The following SLC27A1 variants were observed in gnomAD, a reference collection of about 807,000 sequenced individuals.
The protein encoded by SLC27A1 is solute carrier family 27 member 1.
SLC27A1 carries 61 observed loss-of-function variants against 62.2 expected under a neutral mutation model. The ratio of observed to expected loss-of-function variants is 0.98; its 90% CI spans 0.80 to 1.21. SLC27A1 has a LOEUF of 1.21. SLC27A1 is among the 50% of genes most tolerant of loss of function. SLC27A1 has a pLI of 0.00. For synonymous variants in SLC27A1, 435 were observed against 408.6 expected, an observed-to-expected ratio of 1.06 and a Z score of -0.78; for missense variants, 903 against 932.1, an observed-to-expected ratio of 0.97 and a Z score of 0.41.
rs8109369 is a variant in SLC27A1, at chr19:17,498,533, C to T, written c.1206+1069C>T. The T allele has an allele frequency of 3.1e-5, 5 of 160,192 alleles. No homozygotes were observed. The East Asian group carries it at 8.6e-4, about 27-fold the overall frequency. 9.9% of individuals were successfully genotyped at this position (160,192 alleles called of 1,614,324 possible). The stretch of plus-strand genomic sequence containing the variant: ...CATAGGAAACACACCAGGCCAGGCA[C>T]GGTGGCTCACGCCTGTAGGGTCCAG... On this transcript the variant is annotated intron_variant, in intron 7 of 11. Coordinates refer to ENST00000252595, the MANE Select transcript of SLC27A1 (RefSeq NM_198580.3).
At position 17,489,120 on chromosome 19, in the gene SLC27A1, C is replaced by T. The variant is rs2075268850; in HGVS notation, c.996+3C>T. The T allele has an allele frequency of 8.7e-6, 14 of 1,613,522 alleles. No individual in the cohort carries two copies. The highest frequency in any genetic ancestry group is 1.1e-5 in the Non-Finnish European group (13 of 1,179,642). ...ACTGCATCAAGTACAACTGCACGGT[C>T]AGGCCCTGCCCTGTTCTGTCTAGAC... is the stretch of plus-strand genomic sequence containing the variant. On this transcript the variant is annotated splice_donor_region_variant and intron_variant, in intron 6 of 11. Transcript: ENST00000252595.
chr19:17,497,623 C>T (rs779278027), intron 7 of SLC27A1, 159 bp downstream of exon 7: 12 of 681,654 alleles, frequency 1.8e-5, no homozygotes, highest in Middle Eastern at 2.4e-4. Context: ...TCCTGGGACT[C>T]CCGGTGCACC....
In SLC27A1 at chr19:17,477,865, T is replaced by C. The variant is rs918252246; in HGVS notation, c.167+7158T>C. Among the ~76,000 whole-genome samples the C allele has an allele frequency of 3.3e-4, 50 of 151,988 alleles. 1 individual carries two copies. Among genetic ancestry groups the C allele is most frequent in the African/African-American group, 1.2e-3 (49 of 41,498 alleles). Reference sequence around the variant, plus strand: ...CCACCGCACCTGCCGCCCACCTTTTTCTAAAATAAATTTAAAAAATTATTT... The same window carrying C: ...CCACCGCACCTGCCGCCCACCTTTTCCTAAAATAAATTTAAAAAATTATTT... On this transcript the variant is annotated intron_variant, in intron 1 of 11. Coordinates refer to ENST00000252595, the MANE Select transcript of SLC27A1 (RefSeq NM_198580.3).
chr19:17,496,540 GC>G, intron 6 of SLC27A1: 1 of 153,282 alleles, frequency 6.5e-6, no homozygotes, highest in South Asian at 2.0e-4. Context: ...TGACGCTCCG[GC>G]CAGCCCAGGC....
chr19:17,502,598 C>T (rs111700109), intron 11 of SLC27A1, among the ~76,000 whole-genome samples: 55,375 of 151,662 alleles, frequency 0.37, 10,752 homozygotes, highest in African/African-American at 0.48. Context: ...AAGTGATCCA[C>T]CTGCCTTGGC....
At position 17,486,612 on chromosome 19, in the gene SLC27A1, C is replaced by T. The variant is rs1052623467; in HGVS notation, c.217C>T (p.Arg73Cys). The T allele has an allele frequency of 2.0e-5, 32 of 1,595,374 alleles. No individual in the cohort carries two copies. The highest frequency in any genetic ancestry group is 2.5e-5 in the Non-Finnish European group (30 of 1,177,120). ...RVRLELRRHQ[R>C]AGHTIPRIFQ... Reference sequence around the variant, plus strand: ...GCGCCTGGAGCTGCGGCGGCACCAGCGTGCCGGCCACACCATCCCGCGCAT... The same window carrying T: ...GCGCCTGGAGCTGCGGCGGCACCAGTGTGCCGGCCACACCATCCCGCGCAT... Residue 73 changes from arginine (R) to cysteine (C), a missense_variant, in exon 2 of 12, where the codon CGT becomes TGT. By Grantham distance (180) the Arg-to-Cys change is radical. Transcript: ENST00000252595. This position sits in a 1 kb window ranked among gnomAD's most constrained non-coding sequence, Gnocchi z 6.6.
chr19:17,482,234 G>C (rs937733354), intron 1 of SLC27A1, among the ~76,000 whole-genome samples: 1 of 152,154 alleles, frequency 6.6e-6, no homozygotes, highest in African/African-American at 2.4e-5. Flanking sequence ...GACTAGAAGT[G>C]CCCGCCGGGC....
rs2075453411 is a variant in SLC27A1 at position 17,504,457 on chromosome 19, A to G, written c.1786A>G (p.Thr596Ala). 3 of 1,614,080 alleles carry G rather than the reference A, an allele frequency of 1.9e-6. No homozygotes were observed. Among genetic ancestry groups the G allele is most frequent in the Non-Finnish European group, 1.7e-6 (2 of 1,180,018 alleles). ...TCTGCCCCCCATCCCCACTATAGGC[A>G]CCTTCAAGATCCAGAAGACGAGGCT... ...RLLPQVDTTG[T>A]FKIQKTRLQR... Residue 596 changes from threonine (T) to alanine (A), a missense_variant and splice_region_variant, in exon 12 of 12, where the codon ACC (threonine) becomes GCC (alanine). Transcript: ENST00000252595.
In SLC27A1 at chr19:17,473,036, G is replaced by A. The variant is rs114206464; in HGVS notation, c.167+2329G>A. On this transcript the variant is annotated intron_variant, in intron 1 of 11. Coordinates refer to ENST00000252595, the MANE Select transcript of SLC27A1 (RefSeq NM_198580.3). Reference sequence around the variant, plus strand: ...TGGTCTGGAACTCCTGGCTTTAAGCGATCCTCCTACCTCAGCCTCCCAAGT... The same window carrying A: ...TGGTCTGGAACTCCTGGCTTTAAGCAATCCTCCTACCTCAGCCTCCCAAGT... 3.8e-3 allele frequency among the ~76,000 whole-genome samples: 585 copies of A among 152,184 alleles called. 3 individuals carry two copies. The highest frequency in any genetic ancestry group is 0.013 in the African/African-American group (555 of 41,534).
At chr19:17,478,550 G>A (rs2075146623) in intron 1 of SLC27A1, among the ~76,000 whole-genome samples, 1 of 151,182 alleles carries the variant, frequency 6.6e-6, no homozygotes, top group Admixed American at 6.6e-5. Flanking sequence ...TTTACAATGT[G>A]AGAGCTGAAT....
chr19:17,472,576 G>GA (rs2075087548), intron 1 of SLC27A1, among the ~76,000 whole-genome samples: 1 of 151,938 alleles, frequency 6.6e-6, no homozygotes, highest in Admixed American at 6.6e-5. Flanking sequence ...GCCCAGGCTG[G>GA]AGTGCAGTGG....
intron 1 of SLC27A1, among the ~76,000 whole-genome samples, chr19:17,476,917 C>G (rs2075128966): frequency 1.5e-5 from 2 of 132,726 alleles, no homozygotes; most frequent in South Asian, 4.7e-4. Flanking sequence ...GAGACATGGT[C>G]TCACACTGTC....
rs35790162 is a variant in SLC27A1 at position 17,492,616 on chromosome 19, CAAAAAA to C, written c.996+3513_996+3518del. Among the ~76,000 whole-genome samples, 15 of 70,638 alleles carry C rather than the reference CAAAAAA, an allele frequency of 2.1e-4. No individual in the cohort carries two copies. The East Asian group carries it at 2.4e-3, about 11-fold the overall frequency. The allele number at this position is 70,638 out of a possible 152,430, so 46.3% of individuals were successfully genotyped here. ...GGGTGACAAGAGTGAGACTCCATCT[CAAAAAA>C]AAAAAAAAAAAAAGAAAAAGAAATA... On this transcript the variant is annotated intron_variant, in intron 6 of 11. Transcript: ENST00000252595.
chr19:17,474,960 C>T (rs1424282633), intron 1 of SLC27A1, among the ~76,000 whole-genome samples: 8 of 151,222 alleles, frequency 5.3e-5, no homozygotes, highest in Non-Finnish European at 1.0e-4. Context: ...TGCTCTGCCA[C>T]CCGGGCTGGA....
At position 17,500,719 on chromosome 19, in the gene SLC27A1, G is replaced by C. The variant is rs141631799; in HGVS notation, c.1479G>C (p.Val493=). The part of the protein sequence containing the change: ...KGDSAYLSGD[V]LVMDELGYMY... ...CCCTCTCCCCTCTGCCAGGTGACGT[G>C]CTAGTGATGGATGAGCTGGGCTACA... Residue 493 remains valine, a synonymous_variant, in exon 10 of 12, where the codon GTG becomes GTC. Coordinates refer to ENST00000252595, the MANE Select transcript of SLC27A1 (RefSeq NM_198580.3). 84 of 1,614,144 alleles carry C rather than the reference G, an allele frequency of 5.2e-5. No homozygotes were observed. In the African/African-American group the frequency reaches 1.0e-3, roughly 19 times the overall value.
At chr19:17,469,410 C>CCCCA (rs1310489967), upstream of SLC27A1, among the ~76,000 whole-genome samples, 4 of 151,630 alleles carry the variant, frequency 2.6e-5, no homozygotes, top group Non-Finnish European at 5.9e-5. Context: ...TGGGTGTGGA[C>CCCCA]TGGGATATTT....
Position 17,497,411 on chromosome 19 carries a change from G to A in SLC27A1, c.1153G>A (p.Glu385Lys). ...GCGCTTCGGCGTACGCCAAATCGGG[G>A]AGTTCTACGGCGCCACCGAGTGCAA... is the stretch of plus-strand genomic sequence containing the variant. ...TERFGVRQIG[E>K]FYGATECNCS... is the part of the protein sequence containing the mutation. The change falls in exon 7 of 12, where the codon GAG (glutamate) becomes AAG (lysine). Residue 385 changes from glutamate to lysine, a missense_variant. Coordinates refer to ENST00000252595, the MANE Select transcript of SLC27A1 (RefSeq NM_198580.3). 6.2e-7 allele frequency: 1 copy of A among 1,603,952 alleles called. No homozygotes were observed. The highest frequency in any genetic ancestry group is 8.5e-7 in the Non-Finnish European group (1 of 1,177,000).
chr19:17,500,562 C>T lies in SLC27A1; in HGVS notation c.1401C>T (p.Val467=), dbSNP rs753882207. Reference sequence around the variant, plus strand: ...CGCTGCGCCGCTTCGATGGCTATGTCAGCGAGAGCGCCACCAGCAAGAAGA... The same window carrying T: ...CGCTGCGCCGCTTCGATGGCTATGTTAGCGAGAGCGCCACCAGCAAGAAGA... The part of the protein sequence containing the change: ...QDPLRRFDGY[V]SESATSKKIA... Residue 467 remains valine (V), a synonymous_variant, in exon 9 of 12, where the codon GTC becomes GTT. Coordinates refer to ENST00000252595, the MANE Select transcript of SLC27A1 (RefSeq NM_198580.3). 1 of 1,613,720 alleles carries T rather than the reference C, an allele frequency of 6.2e-7. No homozygotes were observed. The highest frequency in any genetic ancestry group is 8.5e-7 in the Non-Finnish European group (1 of 1,179,908).
At chr19:17,477,980 C>T (rs917588907) in intron 1 of SLC27A1, among the ~76,000 whole-genome samples, 4 of 152,112 alleles carry the variant, frequency 2.6e-5, no homozygotes, top group Non-Finnish European at 4.4e-5. Context: ...TCCCAGAGTG[C>T]TGGAATTACA....
Sources: allele counts gnomAD v4.1 joint callset (sites outside exome capture counted in the v4.1 genomes callset), GRCh38; gene constraint gnomAD v4.1.1; non-coding constraint Gnocchi (gnomAD v3.1); transcripts MANE v1.5; gene names NCBI Gene and HGNC (gene_info 2026-07-23, HGNC 2026-07-21).